The following ASH1L variants were observed in gnomAD, a reference collection of about 807,000 sequenced individuals.
ASH1L encodes ASH1 like histone lysine methyltransferase, also known as histone-lysine N-methyltransferase ASH1L.
ASH1L carries 23 observed loss-of-function variants against 269.0 expected under a neutral mutation model. The observed-to-expected ratio is 0.09, with a 90% confidence interval of 0.06 to 0.12. The LOEUF (loss-of-function observed/expected upper bound fraction) is 0.12. ASH1L is among the 10% of genes least tolerant of loss of function. The pLI is 1.00. For missense variants in ASH1L, 2,912 were observed against 3,567.8 expected (o/e 0.82, Z 4.68); for synonymous variants, 1,187 against 1,253.5 (o/e 0.95, Z 1.12).
chr1:155,560,224 CAT>C (rs1156895196), intron 1 of ASH1L, among the ~76,000 whole-genome samples: 1 of 152,128 alleles, frequency 6.6e-6, no homozygotes, highest in East Asian at 1.9e-4. Context: ...ATATATAAAT[CAT>C]GTGATTGTGC....
At chr1:155,394,440 G>A (rs1231344424) in intron 7 of ASH1L, among the ~76,000 whole-genome samples, 1 of 152,094 alleles carries the variant, frequency 6.6e-6, no homozygotes, top group African/African-American at 2.4e-5. Flanking sequence ...ATGGAGGCTG[G>A]GCCACATGGA....
At chr1:155,462,496 T>A (rs1664382434) in intron 3 of ASH1L, among the ~76,000 whole-genome samples, 1 of 152,176 alleles carries the variant, frequency 6.6e-6, no homozygotes, top group African/African-American at 2.4e-5. Flanking sequence ...CAAAGCTCCT[T>A]CTTTTGGTGA....
At chr1:155,372,525 T>C (rs1234882764) in intron 10 of ASH1L, among the ~76,000 whole-genome samples, 5 of 151,924 alleles carry the variant, frequency 3.3e-5, no homozygotes, top group Non-Finnish European at 7.4e-5. Context: ...GCCAGGCTGG[T>C]CTCGAACTCC....
At position 155,375,850 on chromosome 1, in the gene ASH1L, T is replaced by C. The variant is rs12035771; in HGVS notation, c.6332+2431A>G. On this transcript the variant is annotated intron_variant, in intron 10 of 27. Transcript: ENST00000392403. ...TCGCACCCCAGCCAGCTACTAAACG[T>C]AGATCTAGGTTGTCCTTCATATAGT... 1.0e-3 allele frequency among the ~76,000 whole-genome samples: 152 copies of C among 150,702 alleles called. 2 individuals carry two copies. In the East Asian group the frequency reaches 0.026, roughly 26 times the overall value.
intron 10 of ASH1L, among the ~76,000 whole-genome samples, chr1:155,376,480 T>C (rs888307579): frequency 6.6e-6 from 1 of 152,204 alleles, no homozygotes; most frequent in Admixed American, 6.6e-5. Context: ...CTTTGTCTAT[T>C]AGACATTTCT....
chr1:155,527,731 A>T (rs556749378), intron 1 of ASH1L, among the ~76,000 whole-genome samples: 1 of 151,834 alleles, frequency 6.6e-6, no homozygotes, highest in African/African-American at 2.4e-5. Context: ...ACTGTTTTAG[A>T]GACAGGGTCT....
rs187257885 is a variant in ASH1L at position 155,512,131 on chromosome 1, T to C, written c.420+8969A>G. 1.1e-3 allele frequency among the ~76,000 whole-genome samples: 162 copies of C among 152,206 alleles called. 1 individual carries two copies. Among genetic ancestry groups the C allele is most frequent in the Admixed American group, 5.6e-3 (86 of 15,286 alleles). The stretch of plus-strand genomic sequence containing the variant: ...CCAGCCAAGATTGTTTCTTATTCTC[T>C]TATTTCCCTATGGTCAGTAAAGGAG... On this transcript the variant is annotated intron_variant, in intron 2 of 27. Coordinates refer to ENST00000392403, the MANE Select transcript of ASH1L (RefSeq NM_018489.3).
intron 4 of ASH1L, among the ~76,000 whole-genome samples, chr1:155,458,717 AAACCAACCAACCAACCAACC>A (rs373281175): frequency 6.6e-6 from 1 of 150,650 alleles, no homozygotes; most frequent in Non-Finnish European, 1.5e-5. Flanking sequence ...ACTCATCTCA[AAACCAACCAACCAACCAACC>A]AACCAACCAA....
At chr1:155,357,212 G>A (rs12029944) in intron 15 of ASH1L, 104 bp downstream of exon 15, 13 of 677,358 alleles carry the variant, frequency 1.9e-5, no homozygotes, top group South Asian at 4.8e-5. Flanking sequence ...TTTGGCTTAA[G>A]ACAAAAGAAA....
At chr1:155,359,476 T>C (rs1272143608) in intron 13 of ASH1L, among the ~76,000 whole-genome samples, 2 of 152,154 alleles carry the variant, frequency 1.3e-5, no homozygotes, top group Non-Finnish European at 2.9e-5. Flanking sequence ...AGGGTTTCAC[T>C]ATATTGGTCA....
chr1:155,430,596 A>G (rs1358905825), intron 5 of ASH1L, among the ~76,000 whole-genome samples: 13 of 151,994 alleles, frequency 8.6e-5, no homozygotes, highest in Non-Finnish European at 1.8e-4. Context: ...TTAAATCCCT[A>G]TTTATTCCCT....
chr1:155,345,991 C>A (rs1417095835), intron 21 of ASH1L: 1 of 385,542 alleles, frequency 2.6e-6, no homozygotes, highest in Non-Finnish European at 4.8e-6. Context: ...GCCTCCATGC[C>A]CGGCTAATTT....
intron 2 of ASH1L, among the ~76,000 whole-genome samples, chr1:155,508,788 C>T (rs1667981174): frequency 6.6e-6 from 1 of 152,154 alleles, no homozygotes; most frequent in African/African-American, 2.4e-5. Context: ...TCTTACACTG[C>T]TGCCTCATAG....
chr1:155,466,851 T>C lies in ASH1L; in HGVS notation c.4985-6953A>G, dbSNP rs1232361355. ...TGTCTTATAAACAGCACTAGAGAAA[T>C]TGTTTGAGATCAGTATATTCTGATC... On this transcript the variant is annotated intron_variant, in intron 3 of 27. Coordinates refer to ENST00000392403, the MANE Select transcript of ASH1L (RefSeq NM_018489.3). Among the ~76,000 whole-genome samples the C allele has an allele frequency of 3.9e-5, 6 of 152,192 alleles. No homozygotes were observed. The South Asian group carries it at 1.2e-3, about 32-fold the overall frequency.
intron 7 of ASH1L, among the ~76,000 whole-genome samples, chr1:155,390,418 GAAGT>G (rs1407115239): frequency 1.3e-5 from 2 of 152,058 alleles, no homozygotes; most frequent in East Asian, 3.9e-4. Context: ...GTTTGAGAAA[GAAGT>G]AATACCAGTC....
At chr1:155,501,981 C>A (rs1667537588) in intron 2 of ASH1L, among the ~76,000 whole-genome samples, 1 of 150,572 alleles carries the variant, frequency 6.6e-6, no homozygotes, top group Non-Finnish European at 1.5e-5. Flanking sequence ...TTTAAATAGG[C>A]ATGAAAGTTT....
intron 6 of ASH1L, among the ~76,000 whole-genome samples, chr1:155,398,858 C>G (rs892644194): frequency 3.3e-5 from 5 of 152,016 alleles, no homozygotes; most frequent in Admixed American, 2.6e-4. Flanking sequence ...GTAGCTGGAA[C>G]TACAGGTGCA....
intron 1 of ASH1L, among the ~76,000 whole-genome samples, chr1:155,547,952 G>A (rs1483879681): frequency 6.6e-6 from 1 of 152,222 alleles, no homozygotes; most frequent in East Asian, 1.9e-4. Flanking sequence ...CTCCAGCCTG[G>A]GCGACAGAGC....
chr1:155,539,268 T>C (rs1279002189), intron 1 of ASH1L, among the ~76,000 whole-genome samples: 1 of 151,866 alleles, frequency 6.6e-6, no homozygotes, highest in African/African-American at 2.4e-5. Flanking sequence ...CCAAAACTTC[T>C]GAATGTCACA....
Sources: allele counts gnomAD v4.1 joint callset (sites outside exome capture counted in the v4.1 genomes callset), GRCh38; gene constraint gnomAD v4.1.1; transcripts MANE v1.5; gene names NCBI Gene and HGNC (gene_info 2026-07-23, HGNC 2026-07-21).